Variants in ZNF595 observed in about 807,000 individuals in gnomAD.
The protein encoded by ZNF595 is zinc finger protein 595.
In ZNF595, 9 loss-of-function variants were observed where a neutral mutation model predicts 19.4. The ratio of observed to expected loss-of-function variants is 0.46; its 90% confidence interval spans 0.28 to 0.81. ZNF595 has a LOEUF of 0.81. Ranked by LOEUF, ZNF595 falls within the 30% of genes least tolerant of loss-of-function variation. The pLI is 0.11. For missense variants in ZNF595, 729 were observed against 736.0 expected, an observed-to-expected ratio of 0.99 and a Z score of 0.11; for synonymous variants, 255 against 255.9, an observed-to-expected ratio of 1.00 and a Z score of 0.03.
At chr4:57,792 T>C (rs1712685723) in intron 1 of ZNF595, among the ~76,000 whole-genome samples, 1 of 151,732 alleles carries the variant, frequency 6.6e-6, no homozygotes, top group East Asian at 1.9e-4. Context: ...TCATTATTTG[T>C]ATTGTTTTTG....
chr4:81,608 T>C (rs1553799943), intron 3 of ZNF595, among the ~76,000 whole-genome samples: 1 of 152,222 alleles, frequency 6.6e-6, no homozygotes, highest in East Asian at 1.9e-4. Flanking sequence ...TCATATTAAT[T>C]ATATTGACAT....
intron 3 of ZNF595, among the ~76,000 whole-genome samples, chr4:76,904 A>T (rs1384410910): frequency 2.6e-5 from 4 of 152,100 alleles, no homozygotes; most frequent in Non-Finnish European, 5.9e-5. Flanking sequence ...GAATTTTGGC[A>T]GTTCAATTAT....
intron 3 of ZNF595, among the ~76,000 whole-genome samples, chr4:66,287 T>C (rs2108687370): frequency 6.6e-6 from 1 of 152,270 alleles, no homozygotes; most frequent in South Asian, 2.1e-4. Flanking sequence ...TATTTCATCT[T>C]TGGAGAAACA....
chr4:72,485 T>G (rs555120640), intron 3 of ZNF595, among the ~76,000 whole-genome samples: 1 of 152,338 alleles, frequency 6.6e-6, no homozygotes, highest in East Asian at 1.9e-4. Flanking sequence ...GTTTCTTTTT[T>G]CTGCATGGTG....
intron 3 of ZNF595, among the ~76,000 whole-genome samples, chr4:71,988 A>G (rs1343421618): frequency 2.0e-5 from 3 of 152,148 alleles, no homozygotes; most frequent in African/African-American, 7.2e-5. Flanking sequence ...GAGTATTTCA[A>G]TGAGCAGGAT....
At chr4:78,730 T>C (rs1389207737) in intron 3 of ZNF595, among the ~76,000 whole-genome samples, 1 of 152,236 alleles carries the variant, frequency 6.6e-6, no homozygotes, top group Non-Finnish European at 1.5e-5. Context: ...TCTTTCTTTC[T>C]TTTTTGAGAC....
Position 83,615 on chromosome 4 carries a change from G to A in ZNF595, c.227-2116G>A, listed in dbSNP as rs1406142908. 4.3e-3 allele frequency among the ~76,000 whole-genome samples: 373 copies of A among 87,466 alleles called. 2 individuals are homozygous for A. The highest frequency in any genetic ancestry group is 0.017 in the African/African-American group (336 of 19,940). The allele number at this position is 87,466 out of a possible 152,430, so 57.4% of individuals were successfully genotyped here. ...AGCCTGGGTGACAGAGTGAGACTCC[G>A]TCTCAAAAAAAAAAAAAAAAAAAAA... On this transcript the variant is annotated intron_variant, in intron 3 of 3. Transcript: ENST00000610261.
chr4:77,510 T>C (rs914403850), intron 3 of ZNF595, among the ~76,000 whole-genome samples: 3 of 152,156 alleles, frequency 2.0e-5, no homozygotes, highest in Non-Finnish European at 2.9e-5. Flanking sequence ...TGTCCTTGCA[T>C]CTGAAGGAGC....
At chr4:69,360 A>G (rs1025901108) in intron 3 of ZNF595, among the ~76,000 whole-genome samples, 2 of 152,194 alleles carry the variant, frequency 1.3e-5, no homozygotes, top group Non-Finnish European at 2.9e-5. Context: ...CATTCACACC[A>G]AGAGAATGCT....
intron 1 of ZNF595, among the ~76,000 whole-genome samples, chr4:57,759 G>A (rs1581314963): frequency 1.3e-5 from 2 of 149,560 alleles, no homozygotes; most frequent in African/African-American, 4.9e-5. Context: ...CACCTGCATG[G>A]CTGTTTATGG....
chr4:75,189 A>C (rs937906959), intron 3 of ZNF595, among the ~76,000 whole-genome samples: 21 of 152,308 alleles, frequency 1.4e-4, no homozygotes, highest in Non-Finnish European at 2.8e-4. Flanking sequence ...TGATTTTATA[A>C]ATCTATTCAA....
At chr4:78,841 G>A (rs1392626112) in intron 3 of ZNF595, among the ~76,000 whole-genome samples, 4 of 152,136 alleles carry the variant, frequency 2.6e-5, no homozygotes, top group Admixed American at 2.6e-4. Flanking sequence ...TTACAGGAAT[G>A]CACCACCATG....
At chr4:54,827 C>T (rs1581309255) in intron 1 of ZNF595, among the ~76,000 whole-genome samples, 1 of 152,346 alleles carries the variant, frequency 6.6e-6, no homozygotes, top group South Asian at 2.1e-4. Flanking sequence ...AGCCCTGCCT[C>T]GGCCTGTACC....
chr4:80,331 T>C (rs1372935598), intron 3 of ZNF595, among the ~76,000 whole-genome samples: 1 of 152,230 alleles, frequency 6.6e-6, no homozygotes, highest in African/African-American at 2.4e-5. Context: ...AGCATGTCTT[T>C]GTGACTTAAA....
At position 57,389 on chromosome 4, in the gene ZNF595, G is replaced by C. The variant is rs1581314283; in HGVS notation, c.4-2041G>C. Reference sequence around the variant, plus strand: ...GATATCACATCCAGATCCAGGATCTGCAGCTCCATCAGGGCAGTTCCATTT... The same window carrying C: ...GATATCACATCCAGATCCAGGATCTCCAGCTCCATCAGGGCAGTTCCATTT... On this transcript the variant is annotated intron_variant, in intron 1 of 3. Coordinates refer to ENST00000610261, the MANE Select transcript of ZNF595 (RefSeq NM_182524.4). Among the ~76,000 whole-genome samples, 18 of 152,310 alleles carry C rather than the reference G, an allele frequency of 1.2e-4. No individual in the cohort carries two copies. The South Asian group carries it at 3.6e-3, about 30-fold the overall frequency.
intron 3 of ZNF595, among the ~76,000 whole-genome samples, chr4:72,925 A>G (rs1713490231): frequency 6.6e-6 from 1 of 152,206 alleles, no homozygotes; most frequent in Non-Finnish European, 1.5e-5. Context: ...CCTTTCCTGC[A>G]GGTGTACCAG....
At chr4:73,874 G>A (rs144367391) in intron 3 of ZNF595, among the ~76,000 whole-genome samples, 150 of 152,226 alleles carry the variant, frequency 9.9e-4, no homozygotes, top group African/African-American at 3.5e-3. Context: ...GCATGTGGAG[G>A]GAAGCAATAT....
At chr4:83,309 C>G (rs1449102321) in intron 3 of ZNF595, among the ~76,000 whole-genome samples, 1 of 151,916 alleles carries the variant, frequency 6.6e-6, no homozygotes, top group East Asian at 1.9e-4. Context: ...CATTAGATCT[C>G]AAGTGACTCT....
intron 3 of ZNF595, among the ~76,000 whole-genome samples, chr4:61,176 C>T (rs1239214704): frequency 5.3e-5 from 8 of 151,420 alleles, no homozygotes; most frequent in South Asian, 2.1e-4. Context: ...TTTTTTGAGA[C>T]GGAGTCTTGC....
Sources: gnomAD v4.1 joint callset for allele counts (sites outside exome capture counted in the v4.1 genomes callset) on GRCh38, gnomAD v4.1.1 for gene constraint, MANE v1.5 for transcripts, NCBI Gene and HGNC (gene_info 2026-07-23, HGNC 2026-07-21) for gene names.